Variants in ZNF705G observed in about 807,000 individuals in gnomAD.
The protein encoded by ZNF705G is zinc finger protein 705G.
In ZNF705G, 23 loss-of-function variants were observed where a neutral mutation model predicts 19.6. The observed-to-expected ratio is 1.17, with a 90% CI of 0.84 to 1.66. The LOEUF (loss-of-function observed/expected upper bound fraction) is 1.66. Among genes scored for constraint, ZNF705G ranks in the 40% most tolerant of loss-of-function variants. The pLI, the probability that ZNF705G is intolerant of heterozygous loss-of-function variation, is 0.00. For synonymous variants in ZNF705G, 146 were observed against 117.7 expected (o/e 1.24, Z -1.56); for missense variants, 457 against 354.4 (o/e 1.29, Z -2.32).
intron 1 of ZNF705G, among the ~76,000 whole-genome samples, chr8:7,384,982 C>A (rs1198115896): frequency 7.5e-5 from 11 of 146,076 alleles, no homozygotes; most frequent in African/African-American, 2.8e-4. Context: ...ACAATCAAAA[C>A]TTTTGCTTAT....
chr8:7,379,003 T>G (rs1326416070), intron 2 of ZNF705G, among the ~76,000 whole-genome samples: 29 of 150,184 alleles, frequency 1.9e-4, no homozygotes, highest in African/African-American at 7.1e-4. Context: ...TTTCCTCCAT[T>G]TAGACACAAC....
rs756257477 is a variant in ZNF705G at position 7,360,247 on chromosome 8, G to C, written c.225C>G (p.Asp75Glu). 1 of 1,592,122 alleles carries C rather than the reference G, an allele frequency of 6.3e-7. No individual in the cohort carries two copies. Among genetic ancestry groups the C allele is most frequent in the African/African-American group, 1.4e-5 (1 of 70,706 alleles). Residue 75 changes from aspartate (D) to glutamate (E), a missense_variant, in exon 5 of 7, where the codon GAC becomes GAG. Asp to Glu is a conservative substitution (Grantham distance 45). Transcript: ENST00000400156. ...LWREGRVFLQDQNPNRESALK... is the reference protein window; with the variant it reads ...LWREGRVFLQEQNPNRESALK... ...GACCCTGTTGCTTACTTGGATTCTG[G>C]TCTTGAAGAAATACTCTTCCTTCCC...
At position 7,356,312 on chromosome 8, in the gene ZNF705G, C is replaced by A. The variant is rs1261523606; in HGVS notation, c.*1664G>T. ...AGCTGTGTCTGTCTCTGTGTAATAA[C>A]TCAGGACTTACCAGAATAAAATGTG... On this transcript the variant is annotated 3_prime_UTR_variant, in exon 7 of 7. Transcript: ENST00000400156. 6.7e-6 allele frequency: 1 copy of A among 149,514 alleles called. No homozygotes were observed. Among genetic ancestry groups the A allele is most frequent in the Non-Finnish European group, 1.5e-5 (1 of 68,082 alleles). The allele number at this position is 149,514 out of a possible 1,614,324, so 9.3% of individuals were successfully genotyped here.
At chr8:7,362,907 T>C in intron 3 of ZNF705G, 28 bp downstream of exon 3, 2 of 1,585,114 alleles carry the variant, frequency 1.3e-6, no homozygotes, top group Non-Finnish European at 1.7e-6. Flanking sequence ...GGGTATAATT[T>C]CAGTAGAAAG....
In ZNF705G at chr8:7,361,852, A is replaced by G. The variant is rs1806615927; in HGVS notation, c.13-616T>C. 1.3e-5 allele frequency among the ~76,000 whole-genome samples: 2 copies of G among 149,754 alleles called. 1 individual carries two copies. The highest frequency in any genetic ancestry group is 4.2e-4 in the South Asian group (2 of 4,774). The stretch of plus-strand genomic sequence containing the variant: ...AGACTCCAGCATTCTTCAGAACTGA[A>G]CAAGCTTTATGCAGAATATAGGATT... On this transcript the variant is annotated intron_variant, in intron 3 of 6. Transcript: ENST00000400156.
intron 5 of ZNF705G, 24 bp from the exon 6 acceptor site, chr8:7,359,725 G>C (rs747429565): frequency 6.8e-6 from 11 of 1,605,910 alleles, no homozygotes; most frequent in Non-Finnish European, 8.5e-6. Flanking sequence ...AAAATAAATT[G>C]TTACATTGGT....
intron 2 of ZNF705G, among the ~76,000 whole-genome samples, chr8:7,369,867 C>T (rs1257141629): frequency 1.3e-5 from 2 of 148,890 alleles, no homozygotes; most frequent in Admixed American, 6.6e-5. Context: ...ATCAGAACAA[C>T]AGATACTGGG....
chr8:7,375,364 CT>C lies in ZNF705G; in HGVS notation c.-72+6087del, dbSNP rs1807215317. On this transcript the variant is annotated intron_variant, in intron 2 of 6. Coordinates refer to ENST00000400156, the MANE Select transcript of ZNF705G (RefSeq NM_001164457.3). ...TTGCTGAAAAGGACACAATTTTGTT[CT>C]TTTTATGGATGCATAGTATTCCGTG... Among the ~76,000 whole-genome samples the C allele has an allele frequency of 1.6e-4, 15 of 93,776 alleles. 2 individuals carry two copies. The South Asian group carries it at 5.4e-3, about 34-fold the overall frequency. 61.5% of individuals were successfully genotyped at this position (93,776 alleles called of 152,430 possible). A position where few individuals can be genotyped will look rare whatever the true frequency, so the allele number is the denominator to read the frequency against.
At chr8:7,367,358 T>TAC (rs1806904108) in intron 2 of ZNF705G, among the ~76,000 whole-genome samples, 1 of 149,380 alleles carries the variant, frequency 6.7e-6, no homozygotes, top group African/African-American at 2.6e-5. Context: ...CCTGATGGTC[T>TAC]ACACCTGTTA....
At chr8:7,360,368 C>T in intron 4 of ZNF705G, 36 bp from the exon 5 acceptor site, 1 of 1,586,284 alleles carries the variant, frequency 6.3e-7, no homozygotes, top group Non-Finnish European at 8.5e-7. Context: ...TTTGAGTTCA[C>T]TGTCAATAAA....
At chr8:7,367,856 T>C (rs1806929718) in intron 2 of ZNF705G, among the ~76,000 whole-genome samples, 2 of 149,874 alleles carry the variant, frequency 1.3e-5, no homozygotes, top group African/African-American at 5.1e-5. Context: ...GCAGCTATGC[T>C]GCCAGTAACT....
intron 2 of ZNF705G, among the ~76,000 whole-genome samples, chr8:7,371,156 T>C (rs1807082529): frequency 1.4e-5 from 2 of 139,916 alleles, no homozygotes; most frequent in African/African-American, 5.6e-5. Flanking sequence ...AACCCTGTCA[T>C]TTGTGACAAC....
rs1304509517 is a variant in ZNF705G at position 7,355,875 on chromosome 8, G to A, written c.*2101C>T. ...AGTTTGCCAAGGGCTTGAATTTCTT[G>A]CTCATTATCCTCACACTTGACATAA... On this transcript the variant is annotated 3_prime_UTR_variant, in exon 7 of 7. Transcript: ENST00000400156. The A allele has an allele frequency of 6.7e-6, 1 of 149,548 alleles. No individual in the cohort carries two copies. The highest frequency in any genetic ancestry group is 1.5e-5 in the Non-Finnish European group (1 of 68,026). The allele number at this position is 149,548 out of a possible 1,614,324, so 9.3% of individuals were successfully genotyped here.
At position 7,358,576 on chromosome 8, in the gene ZNF705G, T is replaced by G; in HGVS notation, c.319-16A>C. The G allele has an allele frequency of 1.9e-6, 3 of 1,606,870 alleles. No individual in the cohort carries two copies. Among genetic ancestry groups the G allele is most frequent in the Non-Finnish European group, 2.5e-6 (3 of 1,179,242 alleles). On this transcript the variant is annotated splice_polypyrimidine_tract_variant and intron_variant, in intron 6 of 6. Transcript: ENST00000400156. ...GAGAGTTCTCCTTTGGGGCAAATATTAAAAGCTCTTAATGGTTTACCCACA... is the reference window on the plus strand; with the variant it reads ...GAGAGTTCTCCTTTGGGGCAAATATGAAAAGCTCTTAATGGTTTACCCACA...
At chr8:7,364,869 G>C (rs143844079) in intron 2 of ZNF705G, among the ~76,000 whole-genome samples, 1,982 of 149,334 alleles carry the variant, frequency 0.013, 41 homozygotes, top group Non-Finnish European at 0.021. Context: ...AAGCAGAACA[G>C]CTATTCCTTC....
chr8:7,367,421 C>T (rs911676339), intron 2 of ZNF705G, among the ~76,000 whole-genome samples: 2 of 149,398 alleles, frequency 1.3e-5, no homozygotes, highest in Admixed American at 1.3e-4. Flanking sequence ...ACTTCTTGGG[C>T]GTGCATGTTA....
In ZNF705G at chr8:7,357,170, G is replaced by A. The variant is rs2128833507; in HGVS notation, c.*806C>T. The A allele has an allele frequency of 6.6e-6, 1 of 150,774 alleles. No individual in the cohort carries two copies. Among genetic ancestry groups the A allele is most frequent in the Middle Eastern group, 3.4e-3 (1 of 292 alleles). The allele number at this position is 150,774 out of a possible 1,614,324, so 9.3% of individuals were successfully genotyped here. A position where few individuals can be genotyped will look rare whatever the true frequency, so the allele number is the denominator to read the frequency against. On this transcript the variant is annotated 3_prime_UTR_variant, in exon 7 of 7. Transcript: ENST00000400156. ...AGATGCTAACCATGTTTTGTCCAGT[G>A]AGAAATCTCACATGTGCCACATGTG...
At chr8:7,382,186 G>A (rs1362378256) in intron 1 of ZNF705G, among the ~76,000 whole-genome samples, 10 of 150,434 alleles carry the variant, frequency 6.6e-5, no homozygotes, top group Non-Finnish European at 1.3e-4. Flanking sequence ...AATTTAAAAA[G>A]AAGAAGAACA....
chr8:7,366,042 G>A (rs55975306), intron 2 of ZNF705G, among the ~76,000 whole-genome samples: 1 of 148,976 alleles, frequency 6.7e-6, no homozygotes, highest in African/African-American at 2.6e-5. Context: ...AACAGCAGCT[G>A]ACATTCTAGC....
Sources: allele counts gnomAD v4.1 joint callset (sites outside exome capture counted in the v4.1 genomes callset), GRCh38; gene constraint gnomAD v4.1.1; transcripts MANE v1.5; gene names NCBI Gene and HGNC (gene_info 2026-07-23, HGNC 2026-07-21).